LGR5: variants seen among roughly 807,000 people sequenced by gnomAD.
LGR5 encodes leucine-rich repeat-containing G protein-coupled receptor 5.
LGR5 carries 54 observed loss-of-function variants against 76.7 expected under a neutral mutation model. The ratio of observed to expected loss-of-function variants is 0.70; its 90% CI spans 0.57 to 0.88. The LOEUF is 0.88. Ranked by LOEUF, LGR5 falls within the 40% of genes least tolerant of loss-of-function variation. The probability of loss-of-function intolerance (pLI) is 0.00; values close to 1 mark genes in which losing one functional copy is unlikely to be tolerated. For missense variants in LGR5, 1,078 were observed against 1,073.3 expected, an observed-to-expected ratio of 1.00 and a Z score of -0.06; for synonymous variants, 406 against 421.9, an observed-to-expected ratio of 0.96 and a Z score of 0.46.
intron 13 of LGR5, among the ~76,000 whole-genome samples, chr12:71,577,370 G>T (rs1018860663): frequency 3.3e-5 from 5 of 152,036 alleles, no homozygotes; most frequent in South Asian, 2.1e-4. Flanking sequence ...TACTATCAAA[G>T]AATTTTATTT....
In LGR5 at chr12:71,580,406, G is replaced by T. The variant is rs780442021; in HGVS notation, c.1535G>T (p.Gly512Val). Reference protein sequence around the residue: ...SMDDLHKKDAGMFQAQDERDL... With the variant: ...SMDDLHKKDAVMFQAQDERDL... ...GACGACCTTCATAAGAAAGATGCTG[G>T]AATGTTTCAGGCTCAAGGTAGGACT... Residue 512 changes from glycine (G) to valine (V), a missense_variant, in exon 16 of 18, where the codon GGA becomes GTA. Transcript: ENST00000266674. 2 of 1,613,380 alleles carry T rather than the reference G, an allele frequency of 1.2e-6. No individual in the cohort carries two copies. The highest frequency in any genetic ancestry group is 1.3e-5 in the African/African-American group (1 of 74,902).
At chr12:71,458,620 C>T (rs927652959) in intron 1 of LGR5, among the ~76,000 whole-genome samples, 3 of 151,992 alleles carry the variant, frequency 2.0e-5, no homozygotes, top group African/African-American at 7.3e-5. Context: ...GAAAAGATGG[C>T]GACTATTATG....
intron 1 of LGR5, among the ~76,000 whole-genome samples, chr12:71,476,783 T>G (rs1306139516): frequency 5.9e-5 from 9 of 152,188 alleles, no homozygotes; most frequent in Admixed American, 5.9e-4. Context: ...AGTTCCTAAG[T>G]GTGACTACAA....
chr12:71,584,265 A>T lies in LGR5; in HGVS notation c.2255A>T (p.Asp752Val). 1 of 1,614,196 alleles carries T rather than the reference A, an allele frequency of 6.2e-7. No homozygotes were observed. The highest frequency in any genetic ancestry group is 2.2e-5 in the East Asian group (1 of 44,878). The change falls in exon 18 of 18, where the codon GAC (aspartate) becomes GTC (valine). Residue 752 changes from aspartate (D) to valine (V), a missense_variant. Physicochemically the swap from Asp to Val is radical, Grantham distance 152 (BLOSUM62 -3). Transcript: ENST00000266674. ...IAYTKLYCNLDKGDLENIWDC... is the reference protein window; with the variant it reads ...IAYTKLYCNLVKGDLENIWDC... Reference sequence around the variant, plus strand: ...TACACCAAGCTCTACTGCAATTTGGACAAGGGAGACCTGGAGAATATTTGG... The same window carrying T: ...TACACCAAGCTCTACTGCAATTTGGTCAAGGGAGACCTGGAGAATATTTGG...
At chr12:71,492,433 A>G (rs774983870) in intron 1 of LGR5, among the ~76,000 whole-genome samples, 4 of 152,134 alleles carry the variant, frequency 2.6e-5, no homozygotes, top group Non-Finnish European at 4.4e-5. Flanking sequence ...AACCCCCACC[A>G]CAGAAATATT....
chr12:71,448,835 A>G (rs1872132033), intron 1 of LGR5: 1 of 152,254 alleles, frequency 6.6e-6, no homozygotes, highest in African/African-American at 2.4e-5. Flanking sequence ...CTGAGAATAA[A>G]GGATCTTCCT....
intron 4 of LGR5, among the ~76,000 whole-genome samples, chr12:71,537,247 G>A (rs532723620): frequency 6.6e-6 from 1 of 151,376 alleles, no homozygotes; most frequent in Non-Finnish European, 1.5e-5. Context: ...TGGAGGCCAG[G>A]AGTTTGAGAT....
In LGR5 at chr12:71,584,275, C is replaced by A. The variant is rs767777359; in HGVS notation, c.2265C>A (p.Asp755Glu). Residue 755 changes from aspartate (D) to glutamate (E), a missense_variant, in exon 18 of 18, where the codon GAC becomes GAA. Physicochemically the swap from Asp to Glu is conservative, Grantham distance 45 (BLOSUM62 2). Coordinates refer to ENST00000266674, the MANE Select transcript of LGR5 (RefSeq NM_003667.4). ...TCTACTGCAATTTGGACAAGGGAGACCTGGAGAATATTTGGGACTGCTCTA... is the reference window on the plus strand; with the variant it reads ...TCTACTGCAATTTGGACAAGGGAGAACTGGAGAATATTTGGGACTGCTCTA... ...TKLYCNLDKG[D>E]LENIWDCSMV... 3 of 1,614,210 alleles carry A rather than the reference C, an allele frequency of 1.9e-6. No homozygotes were observed. Among genetic ancestry groups the A allele is most frequent in the South Asian group, 2.2e-5 (2 of 91,088 alleles).
chr12:71,579,008 T>G (rs1878981183), intron 15 of LGR5, 79 bp downstream of exon 15: 3 of 1,323,956 alleles, frequency 2.3e-6, no homozygotes, highest in Non-Finnish European at 3.1e-6. Context: ...TGTTCTAAAT[T>G]TATGAGGTCG....
intron 11 of LGR5, among the ~76,000 whole-genome samples, chr12:71,570,721 G>C (rs1243191321): frequency 2.6e-5 from 4 of 152,078 alleles, no homozygotes; most frequent in Non-Finnish European, 5.9e-5. Flanking sequence ...TTCAATAAAT[G>C]TAGGATAAAG....
chr12:71,481,174 A>G (rs990179431), intron 1 of LGR5, among the ~76,000 whole-genome samples: 8 of 152,126 alleles, frequency 5.3e-5, no homozygotes, highest in African/African-American at 1.7e-4. Context: ...GGTTTGCTGC[A>G]CCTATCAAAC....
intron 1 of LGR5, among the ~76,000 whole-genome samples, chr12:71,499,902 G>A (rs1027203548): frequency 1.3e-5 from 2 of 152,042 alleles, no homozygotes; most frequent in Non-Finnish European, 2.9e-5. Context: ...TGTAGAAGAT[G>A]ACCCAGAATG....
intron 4 of LGR5, among the ~76,000 whole-genome samples, chr12:71,549,699 A>T (rs896002197): frequency 1.3e-5 from 2 of 152,216 alleles, no homozygotes; most frequent in Admixed American, 1.3e-4. Flanking sequence ...ACTCTAAAAC[A>T]CTGCATTTAG....
intron 13 of LGR5, chr12:71,573,154 G>A (rs1878691706): frequency 2.6e-6 from 1 of 380,122 alleles, no homozygotes; most frequent in African/African-American, 2.1e-5. Context: ...TAATGAAGAG[G>A]AAGGAAGCTA....
intron 2 of LGR5, among the ~76,000 whole-genome samples, chr12:71,516,796 T>G (rs976897615): frequency 2.6e-5 from 4 of 152,144 alleles, no homozygotes; most frequent in Non-Finnish European, 5.9e-5. Context: ...CTTAATGGGT[T>G]TTTTCTTTTA....
intron 1 of LGR5, among the ~76,000 whole-genome samples, chr12:71,452,230 G>A (rs1872279666): frequency 1.3e-5 from 2 of 152,178 alleles, no homozygotes; most frequent in South Asian, 4.1e-4. Flanking sequence ...CAAACTCCCT[G>A]TTTAATGGCA....
At chr12:71,513,663 T>C (rs544333629) in intron 2 of LGR5, among the ~76,000 whole-genome samples, 1 of 152,252 alleles carries the variant, frequency 6.6e-6, no homozygotes, top group Non-Finnish European at 1.5e-5. Flanking sequence ...TATTGTGCCC[T>C]AGCATTTATG....
At chr12:71,489,783 C>T (rs1873984564) in intron 1 of LGR5, among the ~76,000 whole-genome samples, 1 of 152,138 alleles carries the variant, frequency 6.6e-6, no homozygotes, top group South Asian at 2.1e-4. Flanking sequence ...TTAACTTAGG[C>T]CAGGCATGGT....
chr12:71,512,373 G>A (rs539142330), intron 2 of LGR5, among the ~76,000 whole-genome samples: 1 of 152,308 alleles, frequency 6.6e-6, no homozygotes, highest in South Asian at 2.1e-4. Context: ...TCTGGGGATG[G>A]AGACCATGAA....
Sources: allele counts gnomAD v4.1 joint callset (sites outside exome capture counted in the v4.1 genomes callset), GRCh38; gene constraint gnomAD v4.1.1; transcripts MANE v1.5; gene names NCBI Gene and HGNC (gene_info 2026-07-23, HGNC 2026-07-21).